Variants in UNC13C observed in about 807,000 individuals in gnomAD.
UNC13C encodes protein unc-13 homolog C.
Under a neutral mutation model 245.4 loss-of-function variants are expected in UNC13C, and 174 were observed. That is an observed-to-expected ratio of 0.71 (90% CI 0.63 to 0.80). The LOEUF (loss-of-function observed/expected upper bound fraction) is 0.80. Ranked by LOEUF, UNC13C falls within the 30% of genes least tolerant of loss-of-function variation. The pLI is 0.00. For missense variants in UNC13C, 2,829 were observed against 2,602.9 expected (o/e 1.09, Z -1.89); for synonymous variants, 992 against 895.1 (o/e 1.11, Z -1.93).
intron 28 of UNC13C, among the ~76,000 whole-genome samples, chr15:54,552,481 A>AT (rs1896804953): frequency 1.7e-5 from 1 of 60,158 alleles, no homozygotes; most frequent in Non-Finnish European, 2.6e-5. Flanking sequence ...TATATAATAT[A>AT]ATTATATATT....
intron 28 of UNC13C, among the ~76,000 whole-genome samples, chr15:54,550,694 C>G (rs1896696794): frequency 6.6e-6 from 1 of 152,140 alleles, no homozygotes; most frequent in Non-Finnish European, 1.5e-5. Flanking sequence ...AATTGTCACC[C>G]ACACATGTTC....
intron 2 of UNC13C, among the ~76,000 whole-genome samples, chr15:54,031,539 G>A (rs1835046588): frequency 6.6e-6 from 1 of 152,176 alleles, no homozygotes; most frequent in Non-Finnish European, 1.5e-5. Flanking sequence ...GGGCTTGAAG[G>A]AATCATCTTT....
At chr15:54,323,781 C>T (rs1190153465) in intron 14 of UNC13C, among the ~76,000 whole-genome samples, 2 of 152,014 alleles carry the variant, frequency 1.3e-5, no homozygotes, top group Non-Finnish European at 2.9e-5. Flanking sequence ...TGGGATTTTA[C>T]CTATAATATA....
At chr15:54,266,379 T>C (rs1346755365) in intron 10 of UNC13C, among the ~76,000 whole-genome samples, 1 of 152,058 alleles carries the variant, frequency 6.6e-6, no homozygotes, top group Non-Finnish European at 1.5e-5. Context: ...TTCAGAGTTC[T>C]GGGAGAGATT....
At chr15:54,351,455 A>G (rs1222023311) in intron 17 of UNC13C, among the ~76,000 whole-genome samples, 2 of 152,302 alleles carry the variant, frequency 1.3e-5, no homozygotes, top group African/African-American at 4.8e-5. Context: ...TCTGTTTAAG[A>G]ACTGTTTTTG....
At chr15:54,132,409 G>A (rs1449716316) in intron 2 of UNC13C, among the ~76,000 whole-genome samples, 1 of 152,070 alleles carries the variant, frequency 6.6e-6, no homozygotes, top group Non-Finnish European at 1.5e-5. Context: ...CTGTAAATGA[G>A]TGATCAAAGG....
At chr15:54,567,763 T>C (rs1897578044) in intron 29 of UNC13C, 37 bp from the exon 30 acceptor site, 1 of 1,538,464 alleles carries the variant, frequency 6.5e-7, no homozygotes, top group Non-Finnish European at 8.8e-7. Context: ...CCAATACTTC[T>C]CTCTAAATGC....
At chr15:53,984,527 G>T (rs1297735796) in intron 1 of UNC13C, among the ~76,000 whole-genome samples, 1 of 152,110 alleles carries the variant, frequency 6.6e-6, no homozygotes, top group African/African-American at 2.4e-5. Flanking sequence ...TTCTGCATCT[G>T]AATTCTCAAC....
At chr15:53,855,476 C>A in the UNC13C span, among the ~76,000 whole-genome samples, 2 of 152,076 alleles carry the variant, frequency 1.3e-5, no homozygotes, top group East Asian at 3.9e-4. Context: ...TCCATCAATA[C>A]CTAGTTAGTT....
Position 54,131,932 on chromosome 15 carries a change from C to T in UNC13C, c.2984-11086C>T, listed in dbSNP as rs553056442. On this transcript the variant is annotated intron_variant, in intron 2 of 32. Transcript: ENST00000260323. ...ACATCAACAAAACCCACTCCTCTCC[C>T]GAATGAGTCCTTCCCAAACCCAATG... Among the ~76,000 whole-genome samples, 15 of 152,218 alleles carry T rather than the reference C, an allele frequency of 9.9e-5. No individual in the cohort carries two copies. The South Asian group carries it at 1.9e-3, about 19-fold the overall frequency.
chr15:54,565,535 T>C (rs74014224), intron 29 of UNC13C, among the ~76,000 whole-genome samples: 196 of 152,126 alleles, frequency 1.3e-3, no homozygotes, highest in African/African-American at 4.6e-3. Flanking sequence ...GAGAGTATAA[T>C]TGTGATATCC....
chr15:54,357,190 T>C (rs1320331073), intron 17 of UNC13C, among the ~76,000 whole-genome samples: 1 of 152,082 alleles, frequency 6.6e-6, no homozygotes, highest in Non-Finnish European at 1.5e-5. Context: ...ATTTTTAGGT[T>C]AAATGTGTAT....
the UNC13C span, among the ~76,000 whole-genome samples, chr15:53,894,123 T>A: frequency 6.6e-6 from 1 of 152,162 alleles, no homozygotes; most frequent in Admixed American, 6.5e-5. Flanking sequence ...GCTTCCCAGG[T>A]GAGGCGACAC....
intron 7 of UNC13C, among the ~76,000 whole-genome samples, chr15:54,247,325 T>TC (rs1352503141): frequency 6.6e-6 from 1 of 152,162 alleles, no homozygotes; most frequent in East Asian, 1.9e-4. Context: ...CCACACTTTT[T>TC]CCCTCTTATA....
In UNC13C at chr15:54,013,709, C is replaced by T. The variant is rs973263136; in HGVS notation, c.806C>T (p.Ala269Val). The T allele has an allele frequency of 6.2e-7, 1 of 1,613,346 alleles. No individual in the cohort carries two copies. Among genetic ancestry groups the T allele is most frequent in the Non-Finnish European group, 8.5e-7 (1 of 1,179,644 alleles). ...ELSELRGHVNALKHSIDEISS... is the reference protein window; with the variant it reads ...ELSELRGHVNVLKHSIDEISS... The stretch of plus-strand genomic sequence containing the variant: ...TCTGAACTACGAGGGCACGTCAATG[C>T]TCTCAAGCACTCCATCGATGAGATC... Residue 269 changes from alanine (A) to valine (V), a missense_variant, in exon 2 of 33, where the codon GCT becomes GTT. Ala to Val is a moderately conservative substitution (Grantham distance 64). Coordinates refer to ENST00000260323, the MANE Select transcript of UNC13C (RefSeq NM_001080534.3).
At chr15:54,076,721 A>G (rs1898648537) in intron 2 of UNC13C, among the ~76,000 whole-genome samples, 1 of 152,152 alleles carries the variant, frequency 6.6e-6, no homozygotes, top group Admixed American at 6.5e-5. Flanking sequence ...ACCACCCAAC[A>G]CACAAATACA....
At chr15:54,155,627 A>G (rs2032711514) in intron 4 of UNC13C, among the ~76,000 whole-genome samples, 1 of 152,188 alleles carries the variant, frequency 6.6e-6, no homozygotes, top group Non-Finnish European at 1.5e-5. Flanking sequence ...AGATATTGCC[A>G]TGAAAACATC....
chr15:54,389,808 A>G (rs1457750943), intron 17 of UNC13C, among the ~76,000 whole-genome samples: 1 of 151,762 alleles, frequency 6.6e-6, no homozygotes, highest in African/African-American at 2.4e-5. Flanking sequence ...GGCTCACTGC[A>G]ACCGCCACCT....
chr15:54,213,661 A>G (rs930733595), intron 4 of UNC13C, among the ~76,000 whole-genome samples: 1 of 152,026 alleles, frequency 6.6e-6, no homozygotes, highest in Admixed American at 6.6e-5. Context: ...TAAAGACGCA[A>G]GTTGTTGAAG....
Sources: allele counts gnomAD v4.1 joint callset (sites outside exome capture counted in the v4.1 genomes callset), GRCh38; gene constraint gnomAD v4.1.1; transcripts MANE v1.5; gene names NCBI Gene and HGNC (gene_info 2026-07-23, HGNC 2026-07-21).